Variants in SV2C observed in about 807,000 individuals in gnomAD.
SV2C encodes solute carrier family 22 member B3.
SV2C carries 49 observed loss-of-function variants against 79.7 expected under a neutral mutation model. The ratio of observed to expected loss-of-function variants is 0.61; its 90% confidence interval spans 0.49 to 0.78. The LOEUF (loss-of-function observed/expected upper bound fraction) is 0.78, where lower values mean the gene tolerates loss of function less well. Ranked by LOEUF, SV2C falls within the 30% of genes least tolerant of loss-of-function variation. The probability of loss-of-function intolerance (pLI) is 0.00; values close to 1 mark genes in which losing one functional copy is unlikely to be tolerated. For missense variants in SV2C, 833 were observed against 912.9 expected (o/e 0.91, Z 1.13); for synonymous variants, 334 against 333.2 (o/e 1.00, Z -0.03).
intron 4 of SV2C, among the ~76,000 whole-genome samples, chr5:76,214,031 C>G (rs1744844506): frequency 6.6e-6 from 1 of 152,134 alleles, no homozygotes; most frequent in Non-Finnish European, 1.5e-5. Flanking sequence ...CATGTTGTTA[C>G]AAAGGGAAGG....
intron 4 of SV2C, among the ~76,000 whole-genome samples, chr5:76,212,602 G>A (rs1744798595): frequency 6.6e-6 from 1 of 152,014 alleles, no homozygotes; most frequent in Non-Finnish European, 1.5e-5. Flanking sequence ...CTGGTTAATG[G>A]CTGTCTCTTT....
chr5:76,123,461 T>C (rs1748600764), intron 1 of SV2C, among the ~76,000 whole-genome samples: 1 of 152,116 alleles, frequency 6.6e-6, no homozygotes, highest in African/African-American at 2.4e-5. Flanking sequence ...TGATGAACAT[T>C]GATGCAAAAA....
chr5:75,998,604 T>C, the SV2C span, among the ~76,000 whole-genome samples: 24 of 152,008 alleles, frequency 1.6e-4, no homozygotes, highest in Admixed American at 9.8e-4. Flanking sequence ...CAGAACATGA[T>C]AGTGTGTGTG....
chr5:76,295,376 T>A (rs1482756561), intron 8 of SV2C, among the ~76,000 whole-genome samples: 4 of 152,206 alleles, frequency 2.6e-5, no homozygotes. Flanking sequence ...TCATGAGGTC[T>A]CTGCCCTCAT....
chr5:76,333,188 T>C lies in SV2C; in HGVS notation c.*7641T>C, dbSNP rs1216081427. On this transcript the variant is annotated 3_prime_UTR_variant, in exon 13 of 13. Coordinates refer to ENST00000502798, the MANE Select transcript of SV2C (RefSeq NM_014979.4). ...CCTACCTAGATAGAACTTGACAAAT[T>C]GGCCTAACTTCATCTCCGCTGCTAT... 6.6e-6 allele frequency: 1 copy of C among 152,196 alleles called. No individual in the cohort carries two copies. The highest frequency in any genetic ancestry group is 1.5e-5 in the Non-Finnish European group (1 of 68,026). The allele number at this position is 152,196 out of a possible 1,614,324, so 9.4% of individuals were successfully genotyped here. A position where few individuals can be genotyped will look rare whatever the true frequency, so the allele number is the denominator to read the frequency against.
intron 1 of SV2C, among the ~76,000 whole-genome samples, chr5:76,101,921 G>A (rs141408371): frequency 1.2e-4 from 18 of 152,244 alleles, no homozygotes; most frequent in African/African-American, 4.1e-4. Context: ...ACATTTGCAA[G>A]GTTCCCAACA....
intron 2 of SV2C, among the ~76,000 whole-genome samples, chr5:76,151,541 G>A (rs1027311650): frequency 3.9e-5 from 6 of 152,178 alleles, no homozygotes; most frequent in African/African-American, 1.4e-4. Flanking sequence ...GGGCCTTGTT[G>A]TGAGTGATGG....
At chr5:76,016,125 G>C in the SV2C span, among the ~76,000 whole-genome samples, 2 of 151,848 alleles carry the variant, frequency 1.3e-5, no homozygotes, top group African/African-American at 4.8e-5. Context: ...TTTCCACTGT[G>C]TGGGTGGCCC....
At chr5:75,961,529 C>T in the SV2C span, among the ~76,000 whole-genome samples, 3 of 151,620 alleles carry the variant, frequency 2.0e-5, no homozygotes, top group South Asian at 4.2e-4. Context: ...ATTTTGTTTT[C>T]AAAAATGTTA....
At chr5:76,016,184 A>G in the SV2C span, among the ~76,000 whole-genome samples, 1 of 149,902 alleles carries the variant, frequency 6.7e-6, no homozygotes, top group African/African-American at 2.5e-5. Flanking sequence ...GTTGCCAGCC[A>G]TCATAGGAAT....
chr5:76,340,969 C>T (rs1434346560), intron 12 of SV2C, among the ~76,000 whole-genome samples: 3 of 135,624 alleles, frequency 2.2e-5, no homozygotes, highest in South Asian at 4.6e-4. Flanking sequence ...TCACTCTTGT[C>T]GCCCAGGCTG....
the SV2C span, among the ~76,000 whole-genome samples, chr5:76,069,431 C>A: frequency 3.9e-5 from 6 of 152,184 alleles, no homozygotes; most frequent in African/African-American, 9.7e-5. Context: ...CTCTGACATC[C>A]CTGATCGTCA....
chr5:75,893,729 C>A, the SV2C span, among the ~76,000 whole-genome samples: 1 of 152,026 alleles, frequency 6.6e-6, no homozygotes, highest in African/African-American at 2.4e-5. Flanking sequence ...TGTACATGTA[C>A]CTCCTGAATC....
chr5:75,934,302 C>CTTTCTTTTTTTTTTTT, the SV2C span, among the ~76,000 whole-genome samples: 1 of 107,836 alleles, frequency 9.3e-6, no homozygotes, highest in Non-Finnish European at 1.7e-5. Flanking sequence ...TTCTTTCTTT[C>CTTTCTTTTTTTTTTTT]TTTTTTTTTT....
Position 76,285,803 on chromosome 5 carries a change from G to A in SV2C, c.1070G>A (p.Trp357Ter), listed in dbSNP as rs779723580. 1.2e-6 allele frequency: 2 copies of A among 1,613,994 alleles called. No individual in the cohort carries two copies. Among genetic ancestry groups the A allele is most frequent in the Non-Finnish European group, 1.7e-6 (2 of 1,179,962 alleles). The change falls in exon 6 of 13, where the codon TGG becomes TAG. Residue 357 changes from tryptophan (W) to a stop codon, truncating the protein, a stop_gained. Coordinates refer to ENST00000502798, the MANE Select transcript of SV2C (RefSeq NM_014979.4). LOFTEE classifies it high-confidence loss of function. ...LLEVGKHDEA[W>*]MILKLIHDTN... ...TAGGTTGGAAAACATGATGAAGCTT[G>A]GATGATTCTGAAGTTAATTCATGAC...
At chr5:76,319,536 C>T (rs541289702) in intron 12 of SV2C, among the ~76,000 whole-genome samples, 17 of 152,286 alleles carry the variant, frequency 1.1e-4, no homozygotes, top group African/African-American at 4.1e-4. Flanking sequence ...CACTAATTTA[C>T]GGAGGCTGTG....
At chr5:76,334,222 G>A (rs1002386780), downstream of SV2C, among the ~76,000 whole-genome samples, 1 of 152,108 alleles carries the variant, frequency 6.6e-6, no homozygotes, top group African/African-American at 2.4e-5. Context: ...CCCTAGAGTA[G>A]GAATAGCAAA....
At position 76,209,863 on chromosome 5, in the gene SV2C, G is replaced by A. The variant is rs1181320005; in HGVS notation, c.889G>A (p.Ala297Thr). The A allele has an allele frequency of 1.2e-6, 2 of 1,613,838 alleles. No homozygotes were observed. The highest frequency in any genetic ancestry group is 1.1e-5 in the South Asian group (1 of 91,004). Reference sequence around the variant, plus strand: ...CGGTGGCATCTACGCCTCTGCCATGGCCTGGGCCATCATCCCGCACTACGG... The same window carrying A: ...CGGTGGCATCTACGCCTCTGCCATGACCTGGGCCATCATCCCGCACTACGG... ...MIGGIYASAM[A>T]WAIIPHYGWS... Residue 297 changes from alanine (A) to threonine (T), a missense_variant, in exon 4 of 13, where the codon GCC becomes ACC. Transcript: ENST00000502798.
intron 8 of SV2C, among the ~76,000 whole-genome samples, chr5:76,294,173 C>A (rs902838779): frequency 6.6e-6 from 1 of 152,118 alleles, no homozygotes; most frequent in East Asian, 1.9e-4. Context: ...GCAGCACAGT[C>A]TAATAGAGGT....
Sources: allele counts gnomAD v4.1 joint callset (sites outside exome capture counted in the v4.1 genomes callset), GRCh38; gene constraint gnomAD v4.1.1; transcripts MANE v1.5; gene names NCBI Gene and HGNC (gene_info 2026-07-23, HGNC 2026-07-21).